Variants in CCDC148 observed in about 807,000 individuals in gnomAD.
CCDC148 encodes coiled-coil domain containing 148, also known as coiled-coil domain-containing protein 148.
Under a neutral mutation model 85.7 loss-of-function variants are expected in CCDC148, and 89 were observed. That is an observed-to-expected ratio of 1.04 (90% CI 0.87 to 1.24). The LOEUF is 1.24. Among genes scored for constraint, CCDC148 ranks in the 50% most tolerant of loss-of-function variants. The pLI, the probability that CCDC148 is intolerant of heterozygous loss-of-function variation, is 0.00. For synonymous variants in CCDC148, 230 were observed against 213.9 expected, an observed-to-expected ratio of 1.08 and a Z score of -0.66; for missense variants, 692 against 671.7, an observed-to-expected ratio of 1.03 and a Z score of -0.33.
chr2:158,323,359 A>C (rs901890320), intron 7 of CCDC148, among the ~76,000 whole-genome samples: 1 of 152,224 alleles, frequency 6.6e-6, no homozygotes, highest in Non-Finnish European at 1.5e-5. Context: ...TATTGATTGT[A>C]TGTTGAAATT....
At chr2:158,358,698 A>C in intron 1 of CCDC148, 128 bp from the exon 2 acceptor site, 1 of 393,714 alleles carries the variant, frequency 2.5e-6, no homozygotes, top group Non-Finnish European at 4.1e-6. Context: ...TATAAGAAAT[A>C]ATATATTACA....
intron 8 of CCDC148, among the ~76,000 whole-genome samples, chr2:158,309,896 C>G (rs1381070598): frequency 6.6e-6 from 1 of 152,128 alleles, no homozygotes; most frequent in Non-Finnish European, 1.5e-5. Flanking sequence ...TGCAGTTACA[C>G]CAGGTAACCT....
chr2:158,453,606 A>C (rs1406650084), intron 1 of CCDC148, among the ~76,000 whole-genome samples: 2 of 152,078 alleles, frequency 1.3e-5, no homozygotes, highest in African/African-American at 4.8e-5. Context: ...TCCTCCATAG[A>C]CACCCAGGTA....
intron 13 of CCDC148, among the ~76,000 whole-genome samples, chr2:158,173,110 C>G (rs1022810672): frequency 6.6e-6 from 1 of 151,970 alleles, no homozygotes; most frequent in Admixed American, 6.6e-5. Flanking sequence ...CATGGGGGTG[C>G]ATCTCCTGGT....
intron 7 of CCDC148, among the ~76,000 whole-genome samples, chr2:158,337,014 C>T (rs1682422762): frequency 6.6e-6 from 1 of 152,126 alleles, no homozygotes; most frequent in African/African-American, 2.4e-5. Flanking sequence ...TCATCTAATC[C>T]TCCACTTAAT....
At chr2:158,403,995 T>C (rs1685895608) in intron 1 of CCDC148, among the ~76,000 whole-genome samples, 1 of 152,182 alleles carries the variant, frequency 6.6e-6, no homozygotes. Context: ...GTAAATTACT[T>C]AACCTCTCTT....
chr2:158,353,987 T>A (rs1304177617), intron 2 of CCDC148, among the ~76,000 whole-genome samples: 2 of 152,106 alleles, frequency 1.3e-5, no homozygotes, highest in African/African-American at 2.4e-5. Context: ...ACTGGGTACA[T>A]AACGAAATGA....
chr2:158,226,992 A>C (rs1045796135), intron 10 of CCDC148, among the ~76,000 whole-genome samples: 1 of 152,110 alleles, frequency 6.6e-6, no homozygotes, highest in South Asian at 2.1e-4. Flanking sequence ...AGGGTATTCA[A>C]TTAGGAAAAG....
chr2:158,236,944 G>GA (rs1318363690), intron 10 of CCDC148, among the ~76,000 whole-genome samples: 2 of 152,052 alleles, frequency 1.3e-5, no homozygotes, highest in African/African-American at 2.4e-5. Context: ...AAGTGCTAAG[G>GA]AAAAAATGAA....
intron 1 of CCDC148, among the ~76,000 whole-genome samples, chr2:158,377,304 C>T (rs747516445): frequency 2.0e-4 from 31 of 151,738 alleles, no homozygotes; most frequent in Non-Finnish European, 3.4e-4. Flanking sequence ...TACAAATTAC[C>T]ATGTAACACA....
chr2:158,242,462 G>C (rs1269222786), intron 10 of CCDC148, among the ~76,000 whole-genome samples: 1 of 152,094 alleles, frequency 6.6e-6, no homozygotes, highest in Admixed American at 6.5e-5. Context: ...CTGAAATGGA[G>C]AAAAAGTAAT....
At chr2:158,266,384 A>G (rs1689453904) in intron 9 of CCDC148, among the ~76,000 whole-genome samples, 3 of 152,096 alleles carry the variant, frequency 2.0e-5, no homozygotes, top group Admixed American at 1.3e-4. Context: ...AGATGTTCCA[A>G]TTTTTCAAGA....
intron 9 of CCDC148, among the ~76,000 whole-genome samples, chr2:158,272,064 G>T (rs1446575483): frequency 6.6e-6 from 1 of 152,098 alleles, no homozygotes; most frequent in Non-Finnish European, 1.5e-5. Flanking sequence ...AAGTTCAAAA[G>T]GCAGGGCTGA....
At chr2:158,284,733 C>T (rs1337672634) in intron 9 of CCDC148, among the ~76,000 whole-genome samples, 1 of 152,134 alleles carries the variant, frequency 6.6e-6, no homozygotes, top group Admixed American at 6.5e-5. Context: ...TTTCTGTGAG[C>T]ATTTTTAATT....
At chr2:158,406,613 C>CTTTTTTTTTTCTTTTTTTTTTTTT (rs1553518834) in intron 1 of CCDC148, among the ~76,000 whole-genome samples, 1 of 31,454 alleles carries the variant, frequency 3.2e-5, no homozygotes, top group Non-Finnish European at 6.5e-5. Context: ...GATTAAATTT[C>CTTTTTTTTTTCTTTTTTTTTTTTT]TTTTTTTTTT....
intron 2 of CCDC148, among the ~76,000 whole-genome samples, chr2:158,346,323 G>C (rs2883853): frequency 0.18 from 26,960 of 152,140 alleles, 3,105 homozygotes; most frequent in Middle Eastern, 0.26. Flanking sequence ...CAGTCTCTAG[G>C]AGCATTTGCA....
chr2:158,353,463 A>G (rs1302664404), intron 2 of CCDC148, among the ~76,000 whole-genome samples: 3 of 143,098 alleles, frequency 2.1e-5, no homozygotes, highest in Non-Finnish European at 4.8e-5. Flanking sequence ...ACCAACAAAG[A>G]TCAAAAGAGA....
intron 1 of CCDC148, among the ~76,000 whole-genome samples, chr2:158,419,030 A>G (rs944326742): frequency 6.6e-6 from 1 of 152,160 alleles, no homozygotes; most frequent in Non-Finnish European, 1.5e-5. Flanking sequence ...AGAAGATAAT[A>G]ACCCAAATGT....
rs186319878 is a variant in CCDC148 at position 158,242,020 on chromosome 2, C to A, written c.1251+8752G>T. 4.2e-3 allele frequency among the ~76,000 whole-genome samples: 643 copies of A among 152,248 alleles called. 6 individuals carry two copies. Among genetic ancestry groups the A allele is most frequent in the South Asian group, 0.022 (104 of 4,816 alleles). On this transcript the variant is annotated intron_variant, in intron 10 of 13. Coordinates refer to ENST00000283233, the MANE Select transcript of CCDC148 (RefSeq NM_138803.4). ...TGTACTTACTAATGAGTCAAAGATT[C>A]TTTGCTTTAAAGTGGATAACTATTT...
Sources: gnomAD v4.1 joint callset for allele counts (sites outside exome capture counted in the v4.1 genomes callset) on GRCh38, gnomAD v4.1.1 for gene constraint, MANE v1.5 for transcripts, NCBI Gene and HGNC (gene_info 2026-07-23, HGNC 2026-07-21) for gene names.